The following GXYLT1 variants were observed in gnomAD, a reference collection of about 807,000 sequenced individuals.
GXYLT1 encodes glucoside xylosyltransferase 1.
Under a neutral mutation model 54.0 loss-of-function variants are expected in GXYLT1, and 29 were observed. The observed-to-expected ratio is 0.54, with a 90% confidence interval of 0.40 to 0.73. The LOEUF (loss-of-function observed/expected upper bound fraction) is 0.73. Among genes scored for constraint, GXYLT1 ranks in the 30% least tolerant of loss-of-function variants. The probability of loss-of-function intolerance (pLI) is 0.00; values close to 1 mark genes in which losing one functional copy is unlikely to be tolerated. For synonymous variants in GXYLT1, 176 were observed against 204.1 expected, an observed-to-expected ratio of 0.86 and a Z score of 1.17; for missense variants, 490 against 553.4, an observed-to-expected ratio of 0.89 and a Z score of 1.15.
chr12:42,130,319 T>C (rs1033324636), intron 1 of GXYLT1, among the ~76,000 whole-genome samples: 8 of 152,206 alleles, frequency 5.3e-5, no homozygotes, highest in African/African-American at 1.7e-4. Context: ...AAACTACTTG[T>C]ATGGTGTTTT....
intron 4 of GXYLT1, among the ~76,000 whole-genome samples, chr12:42,106,773 T>G (rs1391727151): frequency 5.0e-5 from 7 of 139,832 alleles, no homozygotes; most frequent in Admixed American, 7.6e-5. Flanking sequence ...TGAGACAGAG[T>G]CTCACTCTGT....
At chr12:42,109,910 A>C (rs2065442855) in intron 3 of GXYLT1, among the ~76,000 whole-genome samples, 1 of 152,234 alleles carries the variant, frequency 6.6e-6, no homozygotes, top group African/African-American at 2.4e-5. Context: ...TAAGATCTGA[A>C]GCATAATGAA....
intron 5 of GXYLT1, among the ~76,000 whole-genome samples, chr12:42,104,898 G>A (rs1280333585): frequency 6.6e-6 from 1 of 152,150 alleles, no homozygotes; most frequent in Non-Finnish European, 1.5e-5. Context: ...CTCCTAGAGG[G>A]TATAGTGTTT....
intron 7 of GXYLT1, among the ~76,000 whole-genome samples, chr12:42,095,562 C>CA (rs1391319761): frequency 6.6e-6 from 1 of 152,102 alleles, no homozygotes; most frequent in East Asian, 1.9e-4. Context: ...TACATCTGCT[C>CA]ATCTTATTAA....
chr12:42,106,735 T>C (rs2065423370), intron 4 of GXYLT1, among the ~76,000 whole-genome samples: 1 of 150,796 alleles, frequency 6.6e-6, no homozygotes. Context: ...ATAATTATTA[T>C]TATTTTTCTT....
At chr12:42,133,903 A>G (rs1188298219) in intron 1 of GXYLT1, among the ~76,000 whole-genome samples, 1 of 152,124 alleles carries the variant, frequency 6.6e-6, no homozygotes, top group African/African-American at 2.4e-5. Context: ...TCAGTGAAAA[A>G]TGGCAAATGC....
In GXYLT1 at chr12:42,128,809, C is replaced by T. The variant is rs115820146; in HGVS notation, c.314+950G>A. The stretch of plus-strand genomic sequence containing the variant: ...CCACGGCTCAAGCAATCCTCCCACC[C>T]AAGCCAGCGCATGCCACCATGCCTG... On this transcript the variant is annotated intron_variant, in intron 2 of 7. Coordinates refer to ENST00000398675, the MANE Select transcript of GXYLT1 (RefSeq NM_173601.2). Among the ~76,000 whole-genome samples, 432 of 152,088 alleles carry T rather than the reference C, an allele frequency of 2.8e-3. 2 individuals are homozygous for T. The highest frequency in any genetic ancestry group is 9.3e-3 in the African/African-American group (384 of 41,490).
chr12:42,117,993 C>G (rs1253888761), intron 3 of GXYLT1, among the ~76,000 whole-genome samples: 2 of 152,266 alleles, frequency 1.3e-5, no homozygotes, highest in South Asian at 2.1e-4. Flanking sequence ...GAGTAGTCAT[C>G]ATGGACCATG....
intron 2 of GXYLT1, among the ~76,000 whole-genome samples, chr12:42,123,924 C>A (rs1209553926): frequency 6.6e-6 from 1 of 150,742 alleles, no homozygotes; most frequent in African/African-American, 2.4e-5. Flanking sequence ...AGAGTTGTTC[C>A]CAGCAACACA....
rs1055046227 is a variant in GXYLT1, at chr12:42,108,229, G to A, written c.612+1337C>T. ...ATCAACAATTAAACTTGTTAATAAAGTGTTAACAAAGTGCCATGGTGCCAA... is the reference window on the plus strand; with the variant it reads ...ATCAACAATTAAACTTGTTAATAAAATGTTAACAAAGTGCCATGGTGCCAA... On this transcript the variant is annotated intron_variant, in intron 4 of 7. Coordinates refer to ENST00000398675, the MANE Select transcript of GXYLT1 (RefSeq NM_173601.2). Among the ~76,000 whole-genome samples the A allele has an allele frequency of 2.2e-4, 34 of 152,146 alleles. 1 individual carries two copies. Among genetic ancestry groups the A allele is most frequent in the African/African-American group, 8.2e-4 (34 of 41,430 alleles).
chr12:42,098,843 C>A (rs2065373627), intron 5 of GXYLT1, among the ~76,000 whole-genome samples: 1 of 138,288 alleles, frequency 7.2e-6, no homozygotes, highest in Non-Finnish European at 1.6e-5. Flanking sequence ...CAAGTTTGTT[C>A]CTATGTATGC....
At chr12:42,092,398 A>G (rs896866012) in intron 7 of GXYLT1, among the ~76,000 whole-genome samples, 1 of 152,228 alleles carries the variant, frequency 6.6e-6, no homozygotes, top group Non-Finnish European at 1.5e-5. Context: ...AATAGCTAAC[A>G]TGGATAGTGA....
chr12:42,138,137 T>C (rs1271772680), intron 1 of GXYLT1, among the ~76,000 whole-genome samples: 1 of 151,068 alleles, frequency 6.6e-6, no homozygotes, highest in Admixed American at 6.6e-5. Context: ...TGTGGTGGCA[T>C]GCGCCTGTAG....
Position 42,086,084 on chromosome 12 carries a change from T to G in GXYLT1, c.*1702A>C, listed in dbSNP as rs1228383302. ...GAATCTTACATAGTCAGGCAGGCAA[T>G]GATCATTATTTGAGGACCATTAGAA... On this transcript the variant is annotated 3_prime_UTR_variant, in exon 8 of 8. Transcript: ENST00000398675. 4 of 152,220 alleles carry G rather than the reference T, an allele frequency of 2.6e-5. No individual in the cohort carries two copies. The highest frequency in any genetic ancestry group is 5.9e-5 in the Non-Finnish European group (4 of 68,032). 9.4% of individuals were successfully genotyped at this position (152,220 alleles called of 1,614,324 possible).
At chr12:42,129,930 G>T (rs958976106) in intron 1 of GXYLT1, 79 bp from the exon 2 acceptor site, 1 of 827,214 alleles carries the variant, frequency 1.2e-6, no homozygotes, top group Non-Finnish European at 2.0e-6. Context: ...TCAGTAACAC[G>T]ATAACTTACT....
intron 4 of GXYLT1, 61 bp downstream of exon 4, chr12:42,109,505 A>T: frequency 8.2e-7 from 1 of 1,216,918 alleles, no homozygotes; most frequent in Non-Finnish European, 1.1e-6. Flanking sequence ...ACTCATGTGT[A>T]AAAGTAAGGT....
chr12:42,116,638 G>A (rs1373055891), intron 3 of GXYLT1, among the ~76,000 whole-genome samples: 4 of 152,202 alleles, frequency 2.6e-5, no homozygotes, highest in Non-Finnish European at 5.9e-5. Flanking sequence ...GCAGGTGCTG[G>A]AGAGGATGTG....
intron 5 of GXYLT1, among the ~76,000 whole-genome samples, chr12:42,098,784 T>TATATAA (rs1017764424): frequency 5.2e-4 from 70 of 134,412 alleles, no homozygotes; most frequent in African/African-American, 1.7e-3. Flanking sequence ...TATATATATA[T>TATATAA]AATACATGTG....
At position 42,086,746 on chromosome 12, in the gene GXYLT1, A is replaced by T. The variant is rs746596367; in HGVS notation, c.*1040T>A. ...CCAAATCATCCACTTAAGTTGTTTA[A>T]CTTACTTAAAGTAAGGCTCTAGACA... On this transcript the variant is annotated 3_prime_UTR_variant, in exon 8 of 8. Coordinates refer to ENST00000398675, the MANE Select transcript of GXYLT1 (RefSeq NM_173601.2). The T allele has an allele frequency of 5.3e-5, 8 of 152,164 alleles. No homozygotes were observed. Among genetic ancestry groups the T allele is most frequent in the Non-Finnish European group, 4.4e-5 (3 of 68,004 alleles). The allele number at this position is 152,164 out of a possible 1,614,324, so 9.4% of individuals were successfully genotyped here.
Sources: gnomAD v4.1 joint callset for allele counts (sites outside exome capture counted in the v4.1 genomes callset) on GRCh38, gnomAD v4.1.1 for gene constraint, MANE v1.5 for transcripts, NCBI Gene and HGNC (gene_info 2026-07-23, HGNC 2026-07-21) for gene names.